Variants in PCNT observed in about 807,000 individuals in gnomAD.
The protein encoded by PCNT is kendrin.
Under a neutral mutation model 380.4 loss-of-function variants are expected in PCNT, and 319 were observed. The ratio of observed to expected loss-of-function variants is 0.84; its 90% CI spans 0.77 to 0.92. The LOEUF is 0.92. Among genes scored for constraint, PCNT ranks in the 40% least tolerant of loss-of-function variants. The pLI is 0.00. For missense variants in PCNT, 4,400 were observed against 4,255.3 expected (o/e 1.03, Z -0.95); for synonymous variants, 1,845 against 1,735.2 (o/e 1.06, Z -1.57).
rs2839228 is a variant in PCNT, at chr21:46,366,902, C to G, written c.2928C>G (p.Leu976=). Reference sequence around the variant, plus strand: ...TTGATTCTTTGGAATCCTGTTACCTCTCTGAATTTCAGACCATCCGTGAGG... The same window carrying G: ...TTGATTCTTTGGAATCCTGTTACCTGTCTGAATTTCAGACCATCCGTGAGG... ...SSLDSLESCY[L]SEFQTIREEH... is the part of the protein sequence containing the mutation. The change falls in exon 15 of 47, where the codon CTC becomes CTG. Residue 976 remains leucine (L), a synonymous_variant. Transcript: ENST00000359568. 0.87 allele frequency: 1,402,384 copies of G among 1,614,110 alleles called. 610,230 individuals are homozygous for G. Among genetic ancestry groups the G allele is most frequent in the African/African-American group, 0.9 (67,275 of 75,052 alleles).
chr21:46,349,259 A>G lies in PCNT; in HGVS notation c.1207+73A>G. 3.3e-6 allele frequency: 4 copies of G among 1,200,232 alleles called. No individual in the cohort carries two copies. In the South Asian group the frequency reaches 3.7e-5, roughly 11 times the overall value. The allele number at this position is 1,200,232 out of a possible 1,614,324, so 74.3% of individuals were successfully genotyped here. A position where few individuals can be genotyped will look rare whatever the true frequency, so the allele number is the denominator to read the frequency against. On this transcript the variant is annotated intron_variant, in intron 7 of 46. Coordinates refer to ENST00000359568, the MANE Select transcript of PCNT (RefSeq NM_006031.6). The stretch of plus-strand genomic sequence containing the variant: ...GGTAGTACTGGAAGGAATGTCGTTC[A>G]TGTCACCATGCGTCATTGCGCACGT...
intron 13 of PCNT, 122 bp from the exon 14 acceptor site, chr21:46,363,358 G>A: frequency 1.3e-6 from 1 of 753,832 alleles, no homozygotes; most frequent in African/African-American, 1.7e-5. Context: ...GTTGCTGTGT[G>A]CAGCGTAATG....
chr21:46,397,213 C>T (rs2086238853), intron 21 of PCNT, 52 bp from the exon 22 acceptor site: 1 of 1,413,766 alleles, frequency 7.1e-7, no homozygotes, highest in Admixed American at 1.7e-5. Flanking sequence ...TGTCATGCAC[C>T]AGCCTCTGAG....
intron 21 of PCNT, among the ~76,000 whole-genome samples, chr21:46,396,136 A>C (rs2086202424): frequency 6.6e-6 from 1 of 152,242 alleles, no homozygotes; most frequent in East Asian, 1.9e-4. Context: ...AGCAGCAGAG[A>C]GCCCCTTTTT....
At chr21:46,381,604 A>C in intron 15 of PCNT, 90 bp from the exon 16 acceptor site, 1 of 1,202,016 alleles carries the variant, frequency 8.3e-7, no homozygotes, top group South Asian at 1.2e-5. Context: ...GGCTCCATGC[A>C]TATCTGCTGA....
chr21:46,392,263 A>T (rs2147323180), intron 21 of PCNT, among the ~76,000 whole-genome samples: 1 of 151,988 alleles, frequency 6.6e-6, no homozygotes, highest in East Asian at 1.9e-4. Flanking sequence ...CTGTGTCCCC[A>T]GGCTGGAGTG....
rs8129476 is a variant in PCNT, at chr21:46,425,525, C to T, written c.7180-306C>T. 0.12 allele frequency among the ~76,000 whole-genome samples: 18,605 copies of T among 152,208 alleles called. 3,138 individuals carry two copies. The highest frequency in any genetic ancestry group is 0.38 in the African/African-American group (15,913 of 41,482). On this transcript the variant is annotated intron_variant, in intron 32 of 46. Coordinates refer to ENST00000359568, the MANE Select transcript of PCNT (RefSeq NM_006031.6). This position sits in a 1 kb window ranked among gnomAD's most constrained non-coding sequence, Gnocchi z 4.2. Reference sequence around the variant, plus strand: ...GCTTTGTCCAGGCTTAGGCGGGGGACGGTGTCCCCCTCAGGGAGCAGGTGG... The same window carrying T: ...GCTTTGTCCAGGCTTAGGCGGGGGATGGTGTCCCCCTCAGGGAGCAGGTGG...
At chr21:46,378,142 C>CAT (rs978383813) in intron 15 of PCNT, among the ~76,000 whole-genome samples, 1 of 151,990 alleles carries the variant, frequency 6.6e-6, no homozygotes, top group Non-Finnish European at 1.5e-5. Flanking sequence ...TTTCCTTTAC[C>CAT]ATACGGTGGT....
At chr21:46,423,086 G>C (rs932573111) in intron 32 of PCNT, among the ~76,000 whole-genome samples, 2 of 152,008 alleles carry the variant, frequency 1.3e-5, no homozygotes, top group Non-Finnish European at 2.9e-5. Context: ...CTCTCTGTCA[G>C]AACTGAGTCA....
rs886042361 is a variant in PCNT, at chr21:46,326,569, G to C, written c.247G>C (p.Gly83Arg). Reference protein sequence around the residue: ...TSCDDTPDGAGGAFAAQPEDC... With the variant: ...TSCDDTPDGARGAFAAQPEDC... ...ATGTGACGACACCCCTGATGGGGCA[G>C]GAGGGGCCTTTGCAGCTCAGGTAGA... The change falls in exon 2 of 47, where the codon GGA becomes CGA. Residue 83 changes from glycine to arginine, a missense_variant. Transcript: ENST00000359568. The C allele has an allele frequency of 5.0e-6, 8 of 1,614,042 alleles. No individual in the cohort carries two copies. The highest frequency in any genetic ancestry group is 1.7e-4 in the Middle Eastern group (1 of 6,058).
chr21:46,443,527 C>T (rs1048009712), intron 44 of PCNT, among the ~76,000 whole-genome samples: 1 of 152,230 alleles, frequency 6.6e-6, no homozygotes, highest in African/African-American at 2.4e-5. Context: ...CCTGAGCCAG[C>T]TCCTCAGAGC....
rs543681545 is a variant in PCNT, at chr21:46,411,483, C to T, written c.5410C>T (p.Arg1804Trp). ...AALEAKEALS[R>W]LLADQERRHS... is the part of the protein sequence containing the mutation. The stretch of plus-strand genomic sequence containing the variant: ...GCTGGAAGCCAAGGAGGCCCTGAGC[C>T]GGCTGCTGGCTGACCAGGAGCGCAG... The change falls in exon 28 of 47, where the codon CGG (arginine) becomes TGG (tryptophan). Residue 1804 changes from arginine (R) to tryptophan (W), a missense_variant. Coordinates refer to ENST00000359568, the MANE Select transcript of PCNT (RefSeq NM_006031.6). 4.5e-5 allele frequency: 72 copies of T among 1,609,382 alleles called. No individual in the cohort carries two copies. Among genetic ancestry groups the T allele is most frequent in the Non-Finnish European group, 5.5e-5 (65 of 1,178,564 alleles).
chr21:46,414,905 C>G (rs1052415608), intron 29 of PCNT, among the ~76,000 whole-genome samples: 2 of 152,122 alleles, frequency 1.3e-5, no homozygotes, highest in African/African-American at 4.8e-5. Flanking sequence ...TTCCTCCTCC[C>G]CCTCCTCCCT....
chr21:46,354,330 C>G (rs2084392530), intron 11 of PCNT, among the ~76,000 whole-genome samples: 1 of 152,246 alleles, frequency 6.6e-6, no homozygotes, highest in Non-Finnish European at 1.5e-5. Context: ...AGGCCTCCAC[C>G]CTGCAGTGGG....
Position 46,416,504 on chromosome 21 carries a change from G to T in PCNT, c.6586G>T (p.Val2196Leu). ...QDMSLSSPTS[V>L]LGGSRHQSHT... ...CATGTCTCTTTCTTCACCGACCAGC[G>T]TACTTGGTGGCTCCCGCCACCAGAG... The change falls in exon 30 of 47, where the codon GTA becomes TTA. Residue 2196 changes from valine (V) to leucine (L), a missense_variant. Coordinates refer to ENST00000359568, the MANE Select transcript of PCNT (RefSeq NM_006031.6). 1.2e-6 allele frequency: 2 copies of T among 1,613,858 alleles called. No individual in the cohort carries two copies. Among genetic ancestry groups the T allele is most frequent in the Non-Finnish European group, 1.7e-6 (2 of 1,180,016 alleles).
rs753480366 is a variant in PCNT at position 46,416,287 on chromosome 21, A to G, written c.6369A>G (p.Ser2123=). ...DSCDGEEPDI[S]PHIDTCDANT... ...GTGACGGAGAAGAGCCTGACATATCACCCCACATAGACACATGTGATGCCA... is the reference window on the plus strand; with the variant it reads ...GTGACGGAGAAGAGCCTGACATATCGCCCCACATAGACACATGTGATGCCA... Residue 2123 remains serine, a synonymous_variant, in exon 30 of 47, where the codon TCA becomes TCG. Transcript: ENST00000359568. 1.2e-6 allele frequency: 2 copies of G among 1,614,036 alleles called. No homozygotes were observed. The highest frequency in any genetic ancestry group is 1.1e-5 in the South Asian group (1 of 91,074).
chr21:46,393,027 C>T (rs887417018), intron 21 of PCNT, among the ~76,000 whole-genome samples: 4 of 152,216 alleles, frequency 2.6e-5, no homozygotes, highest in Non-Finnish European at 4.4e-5. Context: ...CACCTCCTGG[C>T]GTTGGGCCCT....
At chr21:46,339,072 G>A (rs1210373165) in intron 3 of PCNT, among the ~76,000 whole-genome samples, 1 of 152,010 alleles carries the variant, frequency 6.6e-6, no homozygotes, top group Non-Finnish European at 1.5e-5. Flanking sequence ...GTGAGCCACC[G>A]CACCCGGCCT....
intron 15 of PCNT, among the ~76,000 whole-genome samples, chr21:46,368,846 A>G (rs1188636897): frequency 2.0e-5 from 3 of 152,214 alleles, no homozygotes; most frequent in Non-Finnish European, 4.4e-5. Context: ...CACGTTCCAA[A>G]CTATAAACGA....
Sources: gnomAD v4.1 joint callset for allele counts (sites outside exome capture counted in the v4.1 genomes callset) on GRCh38, gnomAD v4.1.1 for gene constraint, Gnocchi (gnomAD v3.1) non-coding constraint, MANE v1.5 for transcripts, NCBI Gene and HGNC (gene_info 2026-07-23, HGNC 2026-07-21) for gene names.